EFL1: variants seen among roughly 807,000 people sequenced by gnomAD.
EFL1 encodes the protein elongation factor-like GTPase 1.
A neutral mutation model predicts 126.7 loss-of-function variants in EFL1; 76 were observed. The ratio of observed to expected loss-of-function variants is 0.60; its 90% CI spans 0.50 to 0.73. The LOEUF is 0.73. Among genes scored for constraint, EFL1 ranks in the 30% least tolerant of loss-of-function variants. The pLI is 0.00. For synonymous variants in EFL1, 410 were observed against 448.4 expected (o/e 0.91, Z 1.08); for missense variants, 1,128 against 1,343.2 (o/e 0.84, Z 2.50).
In EFL1 at chr15:82,227,470, T is replaced by C. The variant is rs1346733667; in HGVS notation, c.1172A>G (p.Glu391Gly). 1.9e-6 allele frequency: 3 copies of C among 1,614,146 alleles called. No homozygotes were observed. The South Asian group carries it at 3.3e-5, about 18-fold the overall frequency. Residue 391 changes from glutamate (E) to glycine (G), a missense_variant, in exon 11 of 20, where the codon GAA becomes GGA. This residue lies in a region of EFL1 where 316 missense variants were observed against 318.5 expected (regional missense o/e 0.99). Coordinates refer to ENST00000268206, the MANE Select transcript of EFL1 (RefSeq NM_024580.6). ...CTCACCTGCTTTCAGTGCTTGAGTTTCTGGTGGAAAAGAGTCAAAAGTTTG... is the reference window on the plus strand; with the variant it reads ...CTCACCTGCTTTCAGTGCTTGAGTTCCTGGTGGAAAAGAGTCAAAAGTTTG... Reference protein sequence around the residue: ...GSQTFDSFPPETQALKAAFMK... With the variant: ...GSQTFDSFPPGTQALKAAFMK...
Position 82,163,993 on chromosome 15 carries a change from A to C in EFL1, c.1751-9T>G, listed in dbSNP as rs968432835. ...TTGAAGGCCTCCTATTCCTGTAGGA[A>C]GAAAAGATCCATACGGTCAATAAGG... On this transcript the variant is annotated splice_polypyrimidine_tract_variant and intron_variant, in intron 15 of 19. Coordinates refer to ENST00000268206, the MANE Select transcript of EFL1 (RefSeq NM_024580.6). 8.1e-6 allele frequency: 13 copies of C among 1,613,388 alleles called. No homozygotes were observed. Among genetic ancestry groups the C allele is most frequent in the Non-Finnish European group, 1.1e-5 (13 of 1,179,746 alleles).
At chr15:82,223,619 C>G (rs560686043) in intron 12 of EFL1, among the ~76,000 whole-genome samples, 30 of 152,272 alleles carry the variant, frequency 2.0e-4, no homozygotes, top group African/African-American at 5.8e-4. Context: ...ATCTTAACAG[C>G]AAGTTTTCCA....
At position 82,157,718 on chromosome 15, in the gene EFL1, T is replaced by C. The variant is rs1258566191; in HGVS notation, c.2025A>G (p.Lys675=). ...VHLQRCLDDL[K]ERFAKIHISV... is the part of the protein sequence containing the mutation. ...CGCTATCATTTTCACCTAACCTTTCTTTTAAGTCATCCAGGCATCGCTGAA... is the reference window on the plus strand; with the variant it reads ...CGCTATCATTTTCACCTAACCTTTCCTTTAAGTCATCCAGGCATCGCTGAA... Residue 675 remains lysine (K), a synonymous_variant, in exon 17 of 20, where the codon AAA becomes AAG. Transcript: ENST00000268206. The C allele has an allele frequency of 1.2e-6, 2 of 1,612,104 alleles. No individual in the cohort carries two copies. Among genetic ancestry groups the C allele is most frequent in the East Asian group, 2.2e-5 (1 of 44,852 alleles).
chr15:82,143,936 A>C (rs2073815552), intron 18 of EFL1, among the ~76,000 whole-genome samples: 1 of 152,262 alleles, frequency 6.6e-6, no homozygotes, highest in East Asian at 1.9e-4. Flanking sequence ...CCTGGGCTCA[A>C]GCGATCTCCT....
intron 15 of EFL1, among the ~76,000 whole-genome samples, chr15:82,205,515 C>A (rs2074515340): frequency 6.6e-6 from 1 of 151,888 alleles, no homozygotes; most frequent in Non-Finnish European, 1.5e-5. Context: ...ACTGATACAA[C>A]AAGTATAATC....
intron 15 of EFL1, chr15:82,174,413 A>C (rs888925043): frequency 3.3e-5 from 5 of 152,134 alleles, no homozygotes; most frequent in Admixed American, 6.5e-5. Context: ...AAATGTTTAA[A>C]AATAACTAGA....
chr15:82,156,401 T>C (rs2073967611), intron 17 of EFL1, among the ~76,000 whole-genome samples: 1 of 152,202 alleles, frequency 6.6e-6, no homozygotes, highest in African/African-American at 2.4e-5. Flanking sequence ...TTCTCCTGCC[T>C]CAGCCTCCTG....
At chr15:82,220,265 T>C in intron 12 of EFL1, 36 bp from the exon 13 acceptor site, 4 of 1,541,670 alleles carry the variant, frequency 2.6e-6, no homozygotes, top group Non-Finnish European at 3.5e-6. Context: ...CATCTCTCAG[T>C]TCATCCAAGT....
At chr15:82,146,038 T>G (rs1026733462) in intron 18 of EFL1, among the ~76,000 whole-genome samples, 4 of 151,958 alleles carry the variant, frequency 2.6e-5, no homozygotes, top group African/African-American at 4.8e-5. Flanking sequence ...TCAAGCTCAT[T>G]AGAGGGAAAT....
At chr15:82,169,393 A>G (rs1360955576) in intron 15 of EFL1, among the ~76,000 whole-genome samples, 1 of 152,004 alleles carries the variant, frequency 6.6e-6, no homozygotes. Flanking sequence ...CTTGGAGCAT[A>G]AATTGGGATC....
At chr15:82,231,104 G>C in intron 7 of EFL1, 133 bp from the exon 8 acceptor site, 2 of 1,087,530 alleles carry the variant, frequency 1.8e-6, no homozygotes, top group South Asian at 3.4e-5. Flanking sequence ...TCATTTTACA[G>C]AAAAGGGTAA....
intron 18 of EFL1, 87 bp downstream of exon 18, chr15:82,151,378 A>G: frequency 1.5e-6 from 2 of 1,295,934 alleles, no homozygotes; most frequent in South Asian, 2.8e-5. Context: ...ACAGAATGAG[A>G]CCCTGTCTCA....
chr15:82,157,856 T>C lies in EFL1; in HGVS notation c.1887A>G (p.Glu629=), dbSNP rs976445767. 1 of 1,611,912 alleles carries C rather than the reference T, an allele frequency of 6.2e-7. No individual in the cohort carries two copies. ...RVAVEPKHPS[E]MPQLVKGMKL... The stretch of plus-strand genomic sequence containing the variant: ...TCATTCCTTTTACGAGCTGAGGCAT[T>C]TCACCTAGGTTAACAAAACGAAATA... The change falls in exon 17 of 20, where the codon GAA becomes GAG. Residue 629 remains glutamate (E), a synonymous_variant. Coordinates refer to ENST00000268206, the MANE Select transcript of EFL1 (RefSeq NM_024580.6).
At position 82,247,241 on chromosome 15, in the gene EFL1, C is replaced by T. The variant is rs188193974; in HGVS notation, c.244+5450G>A. ...AAGGAAGTATTTAAGTTTGAAAGGTCGAAGATGGATAGCTCAAGGTGATGC... is the reference window on the plus strand; with the variant it reads ...AAGGAAGTATTTAAGTTTGAAAGGTTGAAGATGGATAGCTCAAGGTGATGC... On this transcript the variant is annotated intron_variant, in intron 4 of 19. Coordinates refer to ENST00000268206, the MANE Select transcript of EFL1 (RefSeq NM_024580.6). Among the ~76,000 whole-genome samples, 259 of 152,104 alleles carry T rather than the reference C, an allele frequency of 1.7e-3. 3 individuals are homozygous for T. The highest frequency in any genetic ancestry group is 5.8e-3 in the African/African-American group (241 of 41,426).
chr15:82,155,419 C>T (rs2141232798), intron 17 of EFL1, among the ~76,000 whole-genome samples: 1 of 152,196 alleles, frequency 6.6e-6, no homozygotes, highest in South Asian at 2.1e-4. Context: ...GGAGAATTGC[C>T]TGAGCCCAGG....
At chr15:82,187,987 T>C (rs1411024589) in intron 15 of EFL1, among the ~76,000 whole-genome samples, 2 of 152,132 alleles carry the variant, frequency 1.3e-5, no homozygotes, top group Non-Finnish European at 2.9e-5. Context: ...ATTTCAGTGC[T>C]ACCTTACTTG....
intron 16 of EFL1, among the ~76,000 whole-genome samples, chr15:82,158,539 A>G (rs983485115): frequency 5.3e-5 from 8 of 152,344 alleles, no homozygotes; most frequent in Middle Eastern, 6.8e-3. Context: ...GGCAGGTCCA[A>G]GGAAGTCTCT....
At chr15:82,149,099 C>A (rs1236951222) in intron 18 of EFL1, among the ~76,000 whole-genome samples, 1 of 151,680 alleles carries the variant, frequency 6.6e-6, no homozygotes, top group Non-Finnish European at 1.5e-5. Context: ...GACAAGGACA[C>A]ATGAAAAAAA....
chr15:82,166,486 A>AT (rs1362011836), intron 15 of EFL1, among the ~76,000 whole-genome samples: 4 of 152,230 alleles, frequency 2.6e-5, no homozygotes, highest in Non-Finnish European at 4.4e-5. Context: ...ATTTTTACTT[A>AT]TTTTTAAATA....
Sources: gnomAD v4.1 joint callset for allele counts (sites outside exome capture counted in the v4.1 genomes callset) on GRCh38, gnomAD v4.1.1 for gene constraint, gnomAD v4.1.1 regional missense constraint, MANE v1.5 for transcripts, NCBI Gene and HGNC (gene_info 2026-07-23, HGNC 2026-07-21) for gene names.